Variants in POLA2 observed in about 807,000 individuals in gnomAD.
POLA2 encodes DNA polymerase alpha subunit B.
Under a neutral mutation model 82.8 loss-of-function variants are expected in POLA2, and 47 were observed. That is an observed-to-expected ratio of 0.57 (90% CI 0.45 to 0.72). The LOEUF is 0.72. Among genes scored for constraint, POLA2 ranks in the 30% least tolerant of loss-of-function variants. The probability of loss-of-function intolerance (pLI) is 0.00; values close to 1 mark genes in which losing one functional copy is unlikely to be tolerated. For missense variants in POLA2, 634 were observed against 728.1 expected, an observed-to-expected ratio of 0.87 and a Z score of 1.49; for synonymous variants, 287 against 286.8, an observed-to-expected ratio of 1.00 and a Z score of -0.01.
At chr11:65,295,434 C>T (rs1949799596) in intron 15 of POLA2, 106 bp from the exon 16 acceptor site, 10 of 963,738 alleles carry the variant, frequency 1.0e-5, no homozygotes, top group African/African-American at 1.6e-5. Flanking sequence ...GTTGCTGTGC[C>T]TTGGCCATTT....
chr11:65,278,392 G>A (rs1949603313), intron 5 of POLA2, among the ~76,000 whole-genome samples: 1 of 152,186 alleles, frequency 6.6e-6, no homozygotes, highest in Non-Finnish European at 1.5e-5. Flanking sequence ...AGAAAAAAAT[G>A]GGACTTAAAG....
chr11:65,268,619 G>A (rs942832364), intron 3 of POLA2, 53 bp from the exon 4 acceptor site: 29 of 1,170,488 alleles, frequency 2.5e-5, no homozygotes, highest in South Asian at 5.1e-5. Flanking sequence ...TGGGATTACA[G>A]GCATGAGCTA....
At chr11:65,272,098 T>C (rs1428734810) in intron 4 of POLA2, among the ~76,000 whole-genome samples, 1 of 151,964 alleles carries the variant, frequency 6.6e-6, no homozygotes, top group African/African-American at 2.4e-5. Context: ...TCACTGGAGG[T>C]CAGGGGTTCG....
At chr11:65,285,978 G>A (rs1054463913) in intron 10 of POLA2, among the ~76,000 whole-genome samples, 4 of 152,178 alleles carry the variant, frequency 2.6e-5, no homozygotes, top group Non-Finnish European at 1.5e-5. Flanking sequence ...ACAGCCCCAG[G>A]AATCCCTGGA....
chr11:65,291,758 A>T (rs1025001335), intron 13 of POLA2, among the ~76,000 whole-genome samples: 2 of 152,198 alleles, frequency 1.3e-5, no homozygotes, highest in Non-Finnish European at 2.9e-5. Context: ...CAGATGAGGC[A>T]TTGTCACACT....
At chr11:65,303,197 C>T (rs1949867734), downstream of POLA2, among the ~76,000 whole-genome samples, 3 of 152,042 alleles carry the variant, frequency 2.0e-5, no homozygotes, top group African/African-American at 4.8e-5. Context: ...AAAAAATTGG[C>T]CGGGCATGGT....
intron 10 of POLA2, among the ~76,000 whole-genome samples, chr11:65,284,978 G>A (rs906701504): frequency 6.6e-6 from 1 of 152,196 alleles, no homozygotes; most frequent in Non-Finnish European, 1.5e-5. Context: ...TTAGGACCTT[G>A]TGATATTGCA....
chr11:65,268,071 G>T (rs961021060), intron 3 of POLA2, among the ~76,000 whole-genome samples: 3 of 151,820 alleles, frequency 2.0e-5, no homozygotes, highest in African/African-American at 7.3e-5. Flanking sequence ...GGGATTACAG[G>T]CGTGAGTCAC....
chr11:65,263,924 C>T (rs1373867411), intron 1 of POLA2, among the ~76,000 whole-genome samples: 2 of 152,096 alleles, frequency 1.3e-5, no homozygotes, highest in African/African-American at 2.4e-5. Context: ...TTATGTGAAC[C>T]AGATTTGTAA....
intron 4 of POLA2, among the ~76,000 whole-genome samples, chr11:65,273,607 C>T (rs1489685216): frequency 1.3e-5 from 2 of 151,992 alleles, no homozygotes; most frequent in Non-Finnish European, 2.9e-5. Flanking sequence ...TTAGGAGAAT[C>T]TTTTGGAGGG....
chr11:65,294,362 T>C (rs1231883643), intron 14 of POLA2, 101 bp downstream of exon 14: 10 of 1,036,820 alleles, frequency 9.6e-6, no homozygotes, highest in Non-Finnish European at 1.5e-5. Flanking sequence ...CTCTTTAGGG[T>C]GTGCGTACAG....
intron 10 of POLA2, among the ~76,000 whole-genome samples, chr11:65,285,282 A>G (rs1471426866): frequency 1.3e-5 from 2 of 152,006 alleles, no homozygotes; most frequent in Admixed American, 6.6e-5. Flanking sequence ...GCGTGTGCCT[A>G]TAATCCCAGT....
intron 1 of POLA2, among the ~76,000 whole-genome samples, chr11:65,264,266 G>A (rs934475578): frequency 1.3e-5 from 2 of 152,114 alleles, no homozygotes; most frequent in South Asian, 4.2e-4. Flanking sequence ...ATGGGGTTTC[G>A]CCATGTTGGG....
chr11:65,294,701 C>A, intron 15 of POLA2, 49 bp downstream of exon 15: 1 of 1,284,690 alleles, frequency 7.8e-7, no homozygotes, highest in Non-Finnish European at 1.1e-6. Context: ...CTTTCTGGTC[C>A]CAGCCCTTTC....
chr11:65,290,318 C>G (rs1949741740), intron 13 of POLA2, among the ~76,000 whole-genome samples: 1 of 150,180 alleles, frequency 6.7e-6, no homozygotes, highest in Admixed American at 6.6e-5. Context: ...AGGCGGATCA[C>G]CTGAGGTCAG....
chr11:65,272,141 C>T (rs976648543), intron 4 of POLA2, among the ~76,000 whole-genome samples: 9 of 152,004 alleles, frequency 5.9e-5, no homozygotes, highest in Non-Finnish European at 1.2e-4. Flanking sequence ...GAAACCCCAT[C>T]GCTACAAAAG....
intron 13 of POLA2, among the ~76,000 whole-genome samples, chr11:65,291,420 C>A (rs1487648638): frequency 6.6e-6 from 1 of 152,224 alleles, no homozygotes; most frequent in Non-Finnish European, 1.5e-5. Flanking sequence ...GAATCAGAGA[C>A]TTGGGTTGTG....
chr11:65,298,785 C>G (rs949484456), downstream of POLA2: 1 of 152,242 alleles, frequency 6.6e-6, no homozygotes, highest in Non-Finnish European at 1.5e-5. Flanking sequence ...CCGTTCTCCC[C>G]CAGCTCCTCC....
chr11:65,295,408 G>A, intron 15 of POLA2, 132 bp from the exon 16 acceptor site: 1 of 766,530 alleles, frequency 1.3e-6, no homozygotes, highest in South Asian at 1.5e-5. Flanking sequence ...AACTTCCCCA[G>A]AGGCATCCTC....
Sources: allele counts gnomAD v4.1 joint callset (sites outside exome capture counted in the v4.1 genomes callset), GRCh38; gene constraint gnomAD v4.1.1; transcripts MANE v1.5; gene names NCBI Gene and HGNC (gene_info 2026-07-23, HGNC 2026-07-21).